Variants in CKMT2 observed in about 807,000 individuals in gnomAD.
CKMT2 encodes the protein creatine kinase S-type, mitochondrial.
In CKMT2, 43 loss-of-function variants were observed where a neutral mutation model predicts 48.9. The ratio of observed to expected loss-of-function variants is 0.88; its 90% CI spans 0.69 to 1.13. The LOEUF (loss-of-function observed/expected upper bound fraction) is 1.13, where lower values mean the gene tolerates loss of function less well. Ranked by LOEUF, CKMT2 falls within the 50% of genes most tolerant of loss-of-function variation. The pLI is 0.00. For missense variants in CKMT2, 472 were observed against 555.4 expected (o/e 0.85, Z 1.51); for synonymous variants, 206 against 213.0 (o/e 0.97, Z 0.29).
At chr5:81,239,773 C>T (rs897573770) in intron 1 of CKMT2, among the ~76,000 whole-genome samples, 1 of 152,074 alleles carries the variant, frequency 6.6e-6, no homozygotes, top group Admixed American at 6.5e-5. Context: ...CACACAATTT[C>T]TAGTTGCCCA....
intron 1 of CKMT2, chr5:81,246,912 C>T (rs1756630956): frequency 6.6e-6 from 1 of 152,164 alleles, no homozygotes; most frequent in Admixed American, 6.5e-5. Context: ...GAAGTGTGGT[C>T]CTCTCACCGA....
chr5:81,240,861 T>A (rs75494819), intron 1 of CKMT2, among the ~76,000 whole-genome samples: 13,560 of 152,230 alleles, frequency 0.089, 805 homozygotes, highest in Non-Finnish European at 0.13. Flanking sequence ...ATTACAGTTA[T>A]CCAACAGTAA....
At position 81,250,787 on chromosome 5, in the gene CKMT2, T is replaced by C. The variant is rs772556939; in HGVS notation, c.-20-326T>C. On this transcript the variant is annotated intron_variant, in intron 1 of 9. Transcript: ENST00000254035. ...TCAATAGAGCATATGGTCTGTCAAATAGCTGGAAGAAGACATCCCTGCTGC... is the reference window on the plus strand; with the variant it reads ...TCAATAGAGCATATGGTCTGTCAAACAGCTGGAAGAAGACATCCCTGCTGC... 90 of 171,920 alleles carry C rather than the reference T, an allele frequency of 5.2e-4. 1 individual carries two copies. Among genetic ancestry groups the C allele is most frequent in the Non-Finnish European group, 9.3e-4 (75 of 80,224 alleles). The allele number at this position is 171,920 out of a possible 1,614,324, so 10.6% of individuals were successfully genotyped here.
intron 7 of CKMT2, among the ~76,000 whole-genome samples, 192 bp from the exon 8 acceptor site, chr5:81,258,928 T>TTTTAAC (rs1561286426): frequency 6.6e-6 from 1 of 152,222 alleles, no homozygotes; most frequent in South Asian, 2.1e-4. Flanking sequence ...ACATGGTTCA[T>TTTTAAC]TTAACTTAAT....
chr5:81,263,724 C>A, intron 9 of CKMT2, 108 bp downstream of exon 9: 2 of 985,464 alleles, frequency 2.0e-6, no homozygotes, highest in South Asian at 3.8e-5. Flanking sequence ...ACCTCCTCTT[C>A]GCCCATTGAG....
chr5:81,254,840 C>T (rs1359316679), intron 4 of CKMT2, 153 bp from the exon 5 acceptor site: 2 of 683,750 alleles, frequency 2.9e-6, no homozygotes, highest in Non-Finnish European at 5.1e-6. Context: ...TGCCCCAAGA[C>T]TTCCGGAATG....
At chr5:81,253,427 C>T (rs1756890197) in intron 3 of CKMT2, among the ~76,000 whole-genome samples, 1 of 152,218 alleles carries the variant, frequency 6.6e-6, no homozygotes, top group Admixed American at 6.5e-5. Context: ...ACCTCGGCAT[C>T]CTCATCCTCA....
intron 1 of CKMT2, among the ~76,000 whole-genome samples, 173 bp from the exon 2 acceptor site, chr5:81,250,940 A>ACACACACACAC (rs1756782790): frequency 1.5e-5 from 2 of 132,998 alleles, no homozygotes; most frequent in Non-Finnish European, 3.1e-5. Flanking sequence ...AGAAATAGAA[A>ACACACACACAC]ACACACACAC....
chr5:81,255,078 C>T lies in CKMT2; in HGVS notation c.533C>T (p.Pro178Leu), dbSNP rs747509644. 4 of 1,613,972 alleles carry T rather than the reference C, an allele frequency of 2.5e-6. No homozygotes were observed. The highest frequency in any genetic ancestry group is 2.7e-5 in the African/African-American group (2 of 74,948). ...AGCATCCGTGGGCTGAGCCTGCCTC[C>T]AGCCTGCACCCGGGCCGAGCGAAGG... Reference protein sequence around the residue: ...GRSIRGLSLPPACTRAERREV... With the variant: ...GRSIRGLSLPLACTRAERREV... The change falls in exon 5 of 10, where the codon CCA (proline) becomes CTA (leucine). Residue 178 changes from proline to leucine, a missense_variant. Physicochemically the swap from Pro to Leu is moderately conservative, Grantham distance 98 (BLOSUM62 -3). Transcript: ENST00000254035.
intron 1 of CKMT2, among the ~76,000 whole-genome samples, chr5:81,248,791 C>G (rs1756699515): frequency 6.6e-6 from 1 of 152,178 alleles, no homozygotes; most frequent in Non-Finnish European, 1.5e-5. Flanking sequence ...TCAGAAGAGG[C>G]TTGATTTGTT....
At chr5:81,240,150 A>C (rs1580432487) in intron 1 of CKMT2, among the ~76,000 whole-genome samples, 1 of 152,068 alleles carries the variant, frequency 6.6e-6, no homozygotes, top group East Asian at 1.9e-4. Flanking sequence ...ACCGCCTGGA[A>C]GCCTGTAGTG....
intron 9 of CKMT2, among the ~76,000 whole-genome samples, chr5:81,265,785 A>G (rs1757365515): frequency 6.6e-6 from 1 of 152,220 alleles, no homozygotes; most frequent in African/African-American, 2.4e-5. Flanking sequence ...GATTAGTGGC[A>G]GGTCAGAATT....
At chr5:81,259,361 T>TATC (rs975592687) in intron 8 of CKMT2, 107 bp downstream of exon 8, 7 of 953,980 alleles carry the variant, frequency 7.3e-6, no homozygotes, top group East Asian at 6.0e-5. Flanking sequence ...TTACTTTCTC[T>TATC]ATCTACAATA....
At chr5:81,255,819 C>CT (rs1392951172) in intron 5 of CKMT2, among the ~76,000 whole-genome samples, 1 of 137,166 alleles carries the variant, frequency 7.3e-6, no homozygotes, top group Non-Finnish European at 1.6e-5. Flanking sequence ...ACTTTAAACT[C>CT]TTAAAAAAAA....
chr5:81,240,607 A>C (rs1447004649), intron 1 of CKMT2, among the ~76,000 whole-genome samples: 4 of 152,128 alleles, frequency 2.6e-5, no homozygotes, highest in Non-Finnish European at 5.9e-5. Flanking sequence ...TTGTATGGTA[A>C]ACTATTGTGA....
intron 5 of CKMT2, 48 bp downstream of exon 5, chr5:81,255,262 T>C: frequency 6.5e-7 from 1 of 1,548,000 alleles, no homozygotes; most frequent in Non-Finnish European, 8.9e-7. Flanking sequence ...CCAAGGGCTC[T>C]GACCCGCACA....
chr5:81,236,256 T>A (rs1283944459), intron 1 of CKMT2: 1 of 152,260 alleles, frequency 6.6e-6, no homozygotes, highest in Non-Finnish European at 1.5e-5. Context: ...CTGAGTGGAA[T>A]GATCTGTGGC....
At chr5:81,240,191 A>G (rs1756389156) in intron 1 of CKMT2, among the ~76,000 whole-genome samples, 1 of 152,168 alleles carries the variant, frequency 6.6e-6, no homozygotes, top group Non-Finnish European at 1.5e-5. Flanking sequence ...AGGCCCCAAG[A>G]GCCATCCCCT....
chr5:81,246,264 C>T (rs184381940), intron 1 of CKMT2, among the ~76,000 whole-genome samples: 1 of 151,816 alleles, frequency 6.6e-6, no homozygotes, highest in Admixed American at 6.6e-5. Context: ...TCGGGGCCTG[C>T]ACACCTGGCT....
Sources: gnomAD v4.1 joint callset for allele counts (sites outside exome capture counted in the v4.1 genomes callset) on GRCh38, gnomAD v4.1.1 for gene constraint, MANE v1.5 for transcripts, NCBI Gene and HGNC (gene_info 2026-07-23, HGNC 2026-07-21) for gene names.